TSHZ2: variants seen among roughly 807,000 people sequenced by gnomAD.
The protein encoded by TSHZ2 is teashirt zinc finger homeobox 2.
A neutral mutation model predicts 74.4 loss-of-function variants in TSHZ2; 21 were observed. That is an observed-to-expected ratio of 0.28 (90% CI 0.20 to 0.41). The LOEUF (loss-of-function observed/expected upper bound fraction) is 0.41, where lower values mean the gene tolerates loss of function less well. TSHZ2 is among the 10% of genes least tolerant of loss of function. The pLI is 1.00. For synonymous variants in TSHZ2, 540 were observed against 515.3 expected (o/e 1.05, Z -0.65); for missense variants, 1,244 against 1,293.5 (o/e 0.96, Z 0.59).
At chr20:53,262,648 T>C (rs1404394525) in intron 2 of TSHZ2, among the ~76,000 whole-genome samples, 1 of 152,182 alleles carries the variant, frequency 6.6e-6, no homozygotes, top group Non-Finnish European at 1.5e-5. Context: ...AAATCAGTCA[T>C]GATGCCACGC....
intron 1 of TSHZ2, among the ~76,000 whole-genome samples, chr20:53,238,367 AC>A (rs1989986347): frequency 2.0e-5 from 3 of 152,106 alleles, no homozygotes; most frequent in African/African-American, 7.2e-5. Context: ...GTCTGTGAGG[AC>A]CAAGGGGGCA....
At chr20:53,394,513 G>T (rs549973604) in intron 2 of TSHZ2, among the ~76,000 whole-genome samples, 1 of 152,226 alleles carries the variant, frequency 6.6e-6, no homozygotes, top group South Asian at 2.1e-4. Flanking sequence ...TGCAGTTACT[G>T]TTCTGGATGT....
At chr20:53,340,184 C>CTTTTTTTTTTTTTTT (rs557613827) in intron 2 of TSHZ2, among the ~76,000 whole-genome samples, 44 of 109,842 alleles carry the variant, frequency 4.0e-4, no homozygotes, top group East Asian at 5.7e-4. Context: ...TTTCTTTTTT[C>CTTTTTTTTTTTTTTT]TTTTTTTTTT....
intron 1 of TSHZ2, among the ~76,000 whole-genome samples, chr20:53,048,238 CGTT>C (rs1984299058): frequency 6.6e-6 from 1 of 152,132 alleles, no homozygotes; most frequent in African/African-American, 2.4e-5. Context: ...TGGCCTTTCC[CGTT>C]GTTCTTTGAT....
rs550184945 is a variant in TSHZ2, at chr20:53,025,834, T to G, written c.40+52501T>G. On this transcript the variant is annotated intron_variant, in intron 1 of 2. Coordinates refer to ENST00000371497, the MANE Select transcript of TSHZ2 (RefSeq NM_173485.6). ...ATATGAGCTTCCAATTCTCTCCTAT[T>G]TATAGGATGACCCTCACCTTTAGGA... Among the ~76,000 whole-genome samples the G allele has an allele frequency of 2.0e-4, 30 of 152,298 alleles. No individual in the cohort carries two copies. In the South Asian group the frequency reaches 5.0e-3, roughly 25 times the overall value.
At chr20:53,278,708 A>C (rs982251273) in intron 2 of TSHZ2, among the ~76,000 whole-genome samples, 3 of 152,138 alleles carry the variant, frequency 2.0e-5, no homozygotes, top group Non-Finnish European at 4.4e-5. Context: ...CTTAAACATC[A>C]TCTTCTTTAA....
intron 1 of TSHZ2, among the ~76,000 whole-genome samples, chr20:53,135,465 G>C (rs1987222877): frequency 6.6e-6 from 1 of 152,222 alleles, no homozygotes; most frequent in South Asian, 2.1e-4. Context: ...GTTGCTGCCT[G>C]CACCTGCCAA....
At chr20:53,065,535 C>T (rs1984954142) in intron 1 of TSHZ2, among the ~76,000 whole-genome samples, 1 of 152,216 alleles carries the variant, frequency 6.6e-6, no homozygotes, top group Admixed American at 6.5e-5. Context: ...CCAATGTAAT[C>T]TGCAGAACAA....
chr20:53,002,511 C>T (rs1982477548), intron 1 of TSHZ2, among the ~76,000 whole-genome samples: 1 of 152,070 alleles, frequency 6.6e-6, no homozygotes, highest in African/African-American at 2.4e-5. Context: ...CATGGTCTGC[C>T]CCAAACCACA....
At chr20:53,149,158 GT>G (rs1333251016) in intron 1 of TSHZ2, among the ~76,000 whole-genome samples, 4 of 150,572 alleles carry the variant, frequency 2.7e-5, no homozygotes, top group African/African-American at 9.8e-5. Flanking sequence ...TCCTGACAAT[GT>G]ACTGGTCAGC....
intron 2 of TSHZ2, among the ~76,000 whole-genome samples, chr20:53,451,594 A>T (rs928467901): frequency 6.6e-6 from 1 of 152,126 alleles, no homozygotes; most frequent in African/African-American, 2.4e-5. Flanking sequence ...AACACTTCAG[A>T]TCCTGCCGTA....
chr20:53,225,346 C>T (rs995963429), intron 1 of TSHZ2, among the ~76,000 whole-genome samples: 5 of 152,206 alleles, frequency 3.3e-5, no homozygotes, highest in East Asian at 1.9e-4. Flanking sequence ...CTTCTATTGA[C>T]GAGAGCCCAT....
chr20:53,226,427 G>A (rs1348303198), intron 1 of TSHZ2, among the ~76,000 whole-genome samples: 2 of 149,564 alleles, frequency 1.3e-5, no homozygotes, highest in East Asian at 2.0e-4. Context: ...TGTGTGGGTC[G>A]GTGTGTGTAT....
Position 53,424,907 on chromosome 20 carries a change from A to G in TSHZ2, c.*9-62237A>G, listed in dbSNP as rs193059271. Among the ~76,000 whole-genome samples, 8 of 152,306 alleles carry G rather than the reference A, an allele frequency of 5.3e-5. No homozygotes were observed. In the East Asian group the frequency reaches 1.3e-3, roughly 26 times the overall value. On this transcript the variant is annotated intron_variant, in intron 2 of 2. Transcript: ENST00000371497. ...AAAGGACATGATCTCATTCCTTTTTATAGCTGCATAGTATTCCATGGTGTA... is the reference window on the plus strand; with the variant it reads ...AAAGGACATGATCTCATTCCTTTTTGTAGCTGCATAGTATTCCATGGTGTA...
intron 2 of TSHZ2, among the ~76,000 whole-genome samples, chr20:53,291,258 G>T: frequency 6.6e-6 from 1 of 152,118 alleles, no homozygotes; most frequent in Non-Finnish European, 1.5e-5. Flanking sequence ...GATTGCTTGA[G>T]GTCAGGAGTT....
At chr20:53,093,208 C>T (rs143525314) in intron 1 of TSHZ2, among the ~76,000 whole-genome samples, 186 of 152,278 alleles carry the variant, frequency 1.2e-3, no homozygotes, top group African/African-American at 4.3e-3. Context: ...GAGAATCTAA[C>T]GAGGAATGCT....
intron 1 of TSHZ2, among the ~76,000 whole-genome samples, chr20:52,997,922 C>G (rs1982267631): frequency 2.0e-5 from 3 of 152,168 alleles, no homozygotes; most frequent in Admixed American, 2.0e-4. Flanking sequence ...GCCTGCAGGC[C>G]AACAGCCTCA....
At chr20:53,215,823 G>A (rs112420077) in intron 1 of TSHZ2, among the ~76,000 whole-genome samples, 14 of 149,870 alleles carry the variant, frequency 9.3e-5, no homozygotes, top group African/African-American at 3.2e-4. Context: ...AGCCGAGGTC[G>A]CGCCATTGCA....
chr20:53,283,789 A>T (rs1991110385), intron 2 of TSHZ2, among the ~76,000 whole-genome samples: 1 of 152,186 alleles, frequency 6.6e-6, no homozygotes, highest in Admixed American at 6.5e-5. Context: ...ATGTTTTGTG[A>T]TGAGGGCAAA....
Sources: gnomAD v4.1 joint callset for allele counts (sites outside exome capture counted in the v4.1 genomes callset) on GRCh38, gnomAD v4.1.1 for gene constraint, MANE v1.5 for transcripts, NCBI Gene and HGNC (gene_info 2026-07-23, HGNC 2026-07-21) for gene names.